The following TUSC2 variants were observed in gnomAD, a reference collection of about 807,000 sequenced individuals.
The protein encoded by TUSC2 is tumor suppressor candidate 2.
Under a neutral mutation model 11.5 loss-of-function variants are expected in TUSC2, and 7 were observed. The ratio of observed to expected loss-of-function variants is 0.61; its 90% CI spans 0.35 to 1.14. The LOEUF is 1.14. TUSC2 is among the 50% of genes most tolerant of loss of function. TUSC2 has a pLI of 0.03. For missense variants in TUSC2, 132 were observed against 155.0 expected, an observed-to-expected ratio of 0.85 and a Z score of 0.79; for synonymous variants, 61 against 64.1, an observed-to-expected ratio of 0.95 and a Z score of 0.23.
chr3:50,326,513 G>T, intron 1 of TUSC2, 36 bp from the exon 2 acceptor site: 1 of 1,608,598 alleles, frequency 6.2e-7, no homozygotes, highest in Non-Finnish European at 8.5e-7. Context: ...CTGGGCTGGA[G>T]CCCCACACCT....
At chr3:50,326,620 T>C (rs1170794277) in intron 1 of TUSC2, 143 bp from the exon 2 acceptor site, 1 of 1,301,908 alleles carries the variant, frequency 7.7e-7, no homozygotes, top group Non-Finnish European at 1.0e-6. Flanking sequence ...ATCCTTTTTT[T>C]AAAAAAAATT....
rs1553717204 is a variant in TUSC2, at chr3:50,325,087, T to C, written c.*1034A>G. On this transcript the variant is annotated 3_prime_UTR_variant, in exon 3 of 3. Transcript: ENST00000232496. This position sits in a 1 kb window ranked among gnomAD's most constrained non-coding sequence, Gnocchi z 5.1. ...ACTCTGCCACGACATCATCATGGAC[T>C]ATTTACAAACCTTCACATTATAAGT... 2.0e-5 allele frequency: 3 copies of C among 152,630 alleles called. No homozygotes were observed. The highest frequency in any genetic ancestry group is 7.2e-5 in the African/African-American group (3 of 41,438). 9.5% of individuals were successfully genotyped at this position (152,630 alleles called of 1,614,324 possible). A position where few individuals can be genotyped will look rare whatever the true frequency, so the allele number is the denominator to read the frequency against.
At position 50,326,150 on chromosome 3, in the gene TUSC2, C is replaced by A. The variant is rs782756240; in HGVS notation, c.304G>T (p.Asp102Tyr). 1 of 1,597,240 alleles carries A rather than the reference C, an allele frequency of 6.3e-7. No homozygotes were observed. The highest frequency in any genetic ancestry group is 1.8e-5 in the Admixed American group (1 of 56,804). ...VKLDHPRIHV[D>Y]FPVILYEV Reference sequence around the variant, plus strand: ...ACCTCATAGAGGATCACAGGGAAATCCACGTGGATGCGGGGGTGATCCAGC... The same window carrying A: ...ACCTCATAGAGGATCACAGGGAAATACACGTGGATGCGGGGGTGATCCAGC... The change falls in exon 3 of 3, where the codon GAT (aspartate) becomes TAT (tyrosine). Residue 102 changes from aspartate (D) to tyrosine (Y), a missense_variant. Transcript: ENST00000232496.
At chr3:50,327,610 G>A (rs961714393) in intron 1 of TUSC2, among the ~76,000 whole-genome samples, 6 of 152,216 alleles carry the variant, frequency 3.9e-5, no homozygotes, top group Non-Finnish European at 7.3e-5. Context: ...ATAACTGGGG[G>A]GGAAAGGGAG....
At position 50,328,200 on chromosome 3, in the gene TUSC2, C is replaced by A; in HGVS notation, c.-101G>T. 6.4e-6 allele frequency: 8 copies of A among 1,257,940 alleles called. No homozygotes were observed. In the South Asian group the frequency reaches 1.7e-4, roughly 28 times the overall value. The allele number at this position is 1,257,940 out of a possible 1,614,324, so 77.9% of individuals were successfully genotyped here. A position where few individuals can be genotyped will look rare whatever the true frequency, so the allele number is the denominator to read the frequency against. On this transcript the variant is annotated 5_prime_UTR_variant, in exon 1 of 3. Transcript: ENST00000232496. ...CAGCCGCTGATCGCAGGTGCCGCCG[C>A]CGCCGCCTTCCGCAGGCTCGGCTGT...
At position 50,326,132 on chromosome 3, in the gene TUSC2, A is replaced by G; in HGVS notation, c.322T>C (p.Tyr108His). 6.3e-7 allele frequency: 1 copy of G among 1,590,688 alleles called. No homozygotes were observed. Among genetic ancestry groups the G allele is most frequent in the South Asian group, 1.1e-5 (1 of 87,550 alleles). The stretch of plus-strand genomic sequence containing the variant: ...GCCACCTCCCAGGGTCACACCTCAT[A>G]GAGGATCACAGGGAAATCCACGTGG... ...RIHVDFPVIL[Y>H]EV Residue 108 changes from tyrosine to histidine, a missense_variant, in exon 3 of 3, where the codon TAT (tyrosine) becomes CAT (histidine). Tyr to His is a moderately conservative substitution (Grantham distance 83). Around this residue, in one of 3 missense-constraint regions of TUSC2, gnomAD observed 65 missense variants for 94.0 expected, o/e 0.69. Transcript: ENST00000232496.
At position 50,325,965 on chromosome 3, in the gene TUSC2, G is replaced by GT; in HGVS notation, c.*155dup. On this transcript the variant is annotated 3_prime_UTR_variant, in exon 3 of 3. Transcript: ENST00000232496. This position sits in a 1 kb window ranked among gnomAD's most constrained non-coding sequence, Gnocchi z 5.1. ...CACAAACCAACACCCAACCAATACT[G>GT]TGGGACCGACCCGCTCACAGCTGAA... 1 of 917,228 alleles carries GT rather than the reference G, an allele frequency of 1.1e-6. No individual in the cohort carries two copies. The allele number at this position is 917,228 out of a possible 1,614,324, so 56.8% of individuals were successfully genotyped here.
chr3:50,326,161 CG>C lies in TUSC2; in HGVS notation c.292del (p.Arg98AlafsTer8). ...GATCACAGGGAAATCCACGTGGATG[CG>C]GGGGTGATCCAGCTTCACGATGCCC... ...PQGIVKLDHP[R>X]IHVDFPVILY... On this transcript the variant is annotated frameshift_variant, in exon 3 of 3. Coordinates refer to ENST00000232496, the MANE Select transcript of TUSC2 (RefSeq NM_007275.3). LOFTEE classifies it high-confidence loss of function. The C allele has an allele frequency of 6.3e-7, 1 of 1,598,752 alleles. No individual in the cohort carries two copies. Among genetic ancestry groups the C allele is most frequent in the Admixed American group, 1.8e-5 (1 of 57,068 alleles).
At chr3:50,326,526 G>A (rs1274954987) in intron 1 of TUSC2, 49 bp from the exon 2 acceptor site, 1 of 1,604,368 alleles carries the variant, frequency 6.2e-7, no homozygotes, top group Non-Finnish European at 8.5e-7. Context: ...CCACACCTGG[G>A]CATGGCAAAT....
At chr3:50,326,946 G>A (rs1167691272) in intron 1 of TUSC2, 5 of 336,722 alleles carry the variant, frequency 1.5e-5, no homozygotes, top group Non-Finnish European at 2.9e-5. Flanking sequence ...CCTGGGGTTT[G>A]GGGTCTACTA....
At chr3:50,326,596 A>T in intron 1 of TUSC2, 119 bp from the exon 2 acceptor site, 1 of 1,447,758 alleles carries the variant, frequency 6.9e-7, no homozygotes, top group Non-Finnish European at 9.3e-7. Context: ...AAAAGAGGAT[A>T]ATATGCCTGG....
At chr3:50,326,575 C>T in intron 1 of TUSC2, 98 bp from the exon 2 acceptor site, 1 of 1,531,708 alleles carries the variant, frequency 6.5e-7, no homozygotes, top group South Asian at 1.2e-5. Context: ...TTCCCAACCC[C>T]AAGTGGGAAG....
chr3:50,326,482 G>A lies in TUSC2; in HGVS notation c.147-5C>T, dbSNP rs782616505. ...TCCTCATCATAGAACATAGAGCTGTGTAGAGGGAGAAGGAAACAGGCTGGG... is the reference window on the plus strand; with the variant it reads ...TCCTCATCATAGAACATAGAGCTGTATAGAGGGAGAAGGAAACAGGCTGGG... On this transcript the variant is annotated splice_polypyrimidine_tract_variant and splice_region_variant and intron_variant, in intron 1 of 2. Transcript: ENST00000232496. The A allele has an allele frequency of 5.6e-6, 9 of 1,613,576 alleles. No homozygotes were observed. Among genetic ancestry groups the A allele is most frequent in the Non-Finnish European group, 7.6e-6 (9 of 1,179,690 alleles).
At chr3:50,327,502 T>C (rs1702804837) in intron 1 of TUSC2, among the ~76,000 whole-genome samples, 2 of 152,224 alleles carry the variant, frequency 1.3e-5, no homozygotes, top group South Asian at 4.1e-4. Flanking sequence ...CCCCCAATAC[T>C]GAGGCCTATC....
Position 50,326,486 on chromosome 3 carries a change from A to AG in TUSC2, c.147-10dup. ...CATCATAGAACATAGAGCTGTGTAG[A>AG]GGGAGAAGGAAACAGGCTGGGCTGG... On this transcript the variant is annotated splice_polypyrimidine_tract_variant and intron_variant, in intron 1 of 2. Transcript: ENST00000232496. The AG allele has an allele frequency of 6.2e-7, 1 of 1,613,206 alleles. No individual in the cohort carries two copies. Among genetic ancestry groups the AG allele is most frequent in the Middle Eastern group, 1.6e-4 (1 of 6,062 alleles).
chr3:50,326,003 A>G lies in TUSC2; in HGVS notation c.*118T>C. 1 of 1,282,048 alleles carries G rather than the reference A, an allele frequency of 7.8e-7. No individual in the cohort carries two copies. Among genetic ancestry groups the G allele is most frequent in the Non-Finnish European group, 1.1e-6 (1 of 912,302 alleles). The allele number at this position is 1,282,048 out of a possible 1,614,324, so 79.4% of individuals were successfully genotyped here. ...GCTCACAGCTGAAGGTTATGGGCCA[A>G]CAGAGTTTATTCAGGGTTGTGGCCC... On this transcript the variant is annotated 3_prime_UTR_variant, in exon 3 of 3. Coordinates refer to ENST00000232496, the MANE Select transcript of TUSC2 (RefSeq NM_007275.3).
At chr3:50,326,873 C>T (rs907518234) in intron 1 of TUSC2, among the ~76,000 whole-genome samples, 2 of 152,148 alleles carry the variant, frequency 1.3e-5, no homozygotes, top group South Asian at 4.1e-4. Flanking sequence ...TCGTCTTCAT[C>T]TCCCAAAGTG....
At chr3:50,327,046 C>T in intron 1 of TUSC2, 2 of 405,858 alleles carry the variant, frequency 4.9e-6, no homozygotes, top group Non-Finnish European at 1.0e-5. Flanking sequence ...ACCATCCAGG[C>T]AGCCACCAAG....
Position 50,325,504 on chromosome 3 carries a change from C to CATGACAA in TUSC2, c.*616_*617insTTGTCAT. The stretch of plus-strand genomic sequence containing the variant: ...CCTGGGTAGAGGGAGAAGCCCCCAC[C>CATGACAA]CAGTCCCCACTCCTATCAATAGCCA... On this transcript the variant is annotated 3_prime_UTR_variant, in exon 3 of 3. Coordinates refer to ENST00000232496, the MANE Select transcript of TUSC2 (RefSeq NM_007275.3). The surrounding 1 kb of genome is among the most constrained non-coding windows in gnomAD (Gnocchi z 5.1). 6.5e-6 allele frequency: 1 copy of CATGACAA among 153,470 alleles called. No individual in the cohort carries two copies. The highest frequency in any genetic ancestry group is 1.5e-5 in the Non-Finnish European group (1 of 68,552). The allele number at this position is 153,470 out of a possible 1,614,324, so 9.5% of individuals were successfully genotyped here. A position where few individuals can be genotyped will look rare whatever the true frequency, so the allele number is the denominator to read the frequency against.
Sources: gnomAD v4.1 joint callset for allele counts (sites outside exome capture counted in the v4.1 genomes callset) on GRCh38, gnomAD v4.1.1 for gene constraint, gnomAD v4.1.1 regional missense constraint, Gnocchi (gnomAD v3.1) non-coding constraint, MANE v1.5 for transcripts, NCBI Gene and HGNC (gene_info 2026-07-23, HGNC 2026-07-21) for gene names.